Variants in WIF1 observed in about 807,000 individuals in gnomAD.
WIF1 encodes the protein Wnt inhibitory factor 1.
A neutral mutation model predicts 53.5 loss-of-function variants in WIF1; 35 were observed. The ratio of observed to expected loss-of-function variants is 0.65; its 90% CI spans 0.50 to 0.87. WIF1 has a LOEUF of 0.87. Among genes scored for constraint, WIF1 ranks in the 40% least tolerant of loss-of-function variants. The probability of loss-of-function intolerance (pLI) is 0.00; values close to 1 mark genes in which losing one functional copy is unlikely to be tolerated. For missense variants in WIF1, 467 were observed against 476.8 expected (o/e 0.98, Z 0.19); for synonymous variants, 171 against 170.4 (o/e 1.00, Z -0.03).
chr12:65,108,606 T>C (rs1235848257), intron 2 of WIF1, among the ~76,000 whole-genome samples: 1 of 152,168 alleles, frequency 6.6e-6, no homozygotes, highest in Non-Finnish European at 1.5e-5. Flanking sequence ...CCATGCTCAA[T>C]AAGTCCTGTC....
chr12:65,088,815 G>A (rs1018372566), intron 2 of WIF1, among the ~76,000 whole-genome samples: 1 of 151,948 alleles, frequency 6.6e-6, no homozygotes, highest in African/African-American at 2.4e-5. Flanking sequence ...AGTTCTGAAT[G>A]TGGGTCTATG....
At chr12:65,071,675 T>C (rs1045057698) in intron 3 of WIF1, among the ~76,000 whole-genome samples, 1 of 152,164 alleles carries the variant, frequency 6.6e-6, no homozygotes, top group African/African-American at 2.4e-5. Flanking sequence ...ATGAACACAT[T>C]AAAAATCCCA....
intron 2 of WIF1, among the ~76,000 whole-genome samples, chr12:65,093,861 T>G (rs1311520070): frequency 6.6e-6 from 1 of 152,156 alleles, no homozygotes; most frequent in African/African-American, 2.4e-5. Flanking sequence ...TTCTTGAGGC[T>G]CAGAGGATGG....
chr12:65,119,196 A>G (rs1194763456), intron 2 of WIF1, among the ~76,000 whole-genome samples: 1 of 152,216 alleles, frequency 6.6e-6, no homozygotes, highest in Non-Finnish European at 1.5e-5. Flanking sequence ...GTATCTATGA[A>G]GAGGGACTTG....
chr12:65,108,159 G>T (rs531227919), intron 2 of WIF1, among the ~76,000 whole-genome samples: 18 of 152,250 alleles, frequency 1.2e-4, no homozygotes, highest in African/African-American at 2.6e-4. Context: ...TGTTATATGG[G>T]TTATATCTGT....
intron 2 of WIF1, among the ~76,000 whole-genome samples, chr12:65,087,918 G>A (rs1165290235): frequency 2.6e-5 from 4 of 152,152 alleles, no homozygotes; most frequent in Middle Eastern, 3.4e-3. Flanking sequence ...TCATGTATTT[G>A]ATAAATTTTA....
chr12:65,120,307 G>T, intron 2 of WIF1, 110 bp downstream of exon 2: 1 of 1,185,442 alleles, frequency 8.4e-7, no homozygotes, highest in Non-Finnish European at 1.1e-6. Flanking sequence ...AATCAGATGA[G>T]AAATTTCTCT....
intron 2 of WIF1, among the ~76,000 whole-genome samples, chr12:65,102,353 T>A (rs1013183361): frequency 2.6e-5 from 4 of 152,136 alleles, no homozygotes; most frequent in East Asian, 1.9e-4. Flanking sequence ...AAGCCCATGG[T>A]GTAGTTCCAG....
chr12:65,079,845 A>G (rs980365812), intron 2 of WIF1, among the ~76,000 whole-genome samples: 1 of 152,142 alleles, frequency 6.6e-6, no homozygotes. Context: ...TCAGTTCCAC[A>G]CCCAGAACTA....
intron 2 of WIF1, among the ~76,000 whole-genome samples, chr12:65,115,450 C>T (rs953536004): frequency 1.3e-5 from 2 of 152,104 alleles, no homozygotes; most frequent in Non-Finnish European, 2.9e-5. Context: ...TAAATTTTTA[C>T]TTGAAAGCCA....
chr12:65,102,733 C>A (rs1883300450), intron 2 of WIF1, among the ~76,000 whole-genome samples: 1 of 152,174 alleles, frequency 6.6e-6, no homozygotes, highest in Non-Finnish European at 1.5e-5. Context: ...TGGAGGCACT[C>A]ATTCCTAGGC....
chr12:65,062,799 C>T (rs186826682), intron 6 of WIF1, among the ~76,000 whole-genome samples: 1 of 152,136 alleles, frequency 6.6e-6, no homozygotes, highest in Admixed American at 6.5e-5. Flanking sequence ...ATACTACCCA[C>T]CAGTAGGAGT....
chr12:65,114,654 T>C (rs1883482279), intron 2 of WIF1, among the ~76,000 whole-genome samples: 1 of 152,206 alleles, frequency 6.6e-6, no homozygotes, highest in Non-Finnish European at 1.5e-5. Context: ...TGTTGGAAAA[T>C]GTTTCACTTG....
intron 7 of WIF1, among the ~76,000 whole-genome samples, chr12:65,060,036 A>G (rs992836843): frequency 1.3e-5 from 2 of 152,064 alleles, no homozygotes; most frequent in African/African-American, 2.4e-5. Context: ...AAAAAAAACA[A>G]AAAACAAAGA....
At chr12:65,082,830 T>C (rs977259542) in intron 2 of WIF1, among the ~76,000 whole-genome samples, 2 of 152,162 alleles carry the variant, frequency 1.3e-5, no homozygotes, top group Non-Finnish European at 2.9e-5. Context: ...GTTTATGGTG[T>C]GTACTTAATC....
At chr12:65,072,081 C>T (rs148246610) in intron 3 of WIF1, among the ~76,000 whole-genome samples, 58 of 152,194 alleles carry the variant, frequency 3.8e-4, no homozygotes, top group African/African-American at 1.2e-3. Context: ...TAATTAAACA[C>T]CTTTTAAAAG....
intron 2 of WIF1, among the ~76,000 whole-genome samples, chr12:65,091,454 C>G (rs905803272): frequency 1.3e-5 from 2 of 151,082 alleles, no homozygotes; most frequent in Admixed American, 6.6e-5. Context: ...TATTCCCTAT[C>G]TTTGAGAATC....
intron 3 of WIF1, among the ~76,000 whole-genome samples, chr12:65,072,281 C>T (rs1436808059): frequency 6.6e-6 from 1 of 152,126 alleles, no homozygotes; most frequent in African/African-American, 2.4e-5. Context: ...GTTTTCTGTC[C>T]TACTGTCCTC....
intron 6 of WIF1, among the ~76,000 whole-genome samples, chr12:65,064,539 C>A (rs1224437444): frequency 6.6e-6 from 1 of 152,008 alleles, no homozygotes; most frequent in Non-Finnish European, 1.5e-5. Context: ...TTCAGAGCCT[C>A]CACATATTCC....
Sources: allele counts gnomAD v4.1 joint callset (sites outside exome capture counted in the v4.1 genomes callset), GRCh38; gene constraint gnomAD v4.1.1; transcripts MANE v1.5; gene names NCBI Gene and HGNC (gene_info 2026-07-23, HGNC 2026-07-21).